Variants in LRMDA observed in about 807,000 individuals in gnomAD.
The protein encoded by LRMDA is leucine rich melanocyte differentiation associated.
A neutral mutation model predicts 29.8 loss-of-function variants in LRMDA; 18 were observed. The observed-to-expected ratio is 0.60, with a 90% CI of 0.42 to 0.90. LRMDA has a LOEUF of 0.90. Among genes scored for constraint, LRMDA ranks in the 40% least tolerant of loss-of-function variants. The pLI is 0.00. For synonymous variants in LRMDA, 125 were observed against 109.4 expected (o/e 1.14, Z -0.89); for missense variants, 273 against 273.9 (o/e 1.00, Z 0.02).
At chr10:76,357,406 A>C (rs1388235227) in intron 6 of LRMDA, among the ~76,000 whole-genome samples, 1 of 152,182 alleles carries the variant, frequency 6.6e-6, no homozygotes, top group Non-Finnish European at 1.5e-5. Flanking sequence ...GTTTTTACTC[A>C]CCAAACTATG....
intron 2 of LRMDA, among the ~76,000 whole-genome samples, chr10:75,503,140 T>A (rs1845133581): frequency 6.6e-6 from 1 of 151,972 alleles, no homozygotes; most frequent in Admixed American, 6.6e-5. Flanking sequence ...CTCTAGGGAA[T>A]GTCCATTTTG....
At chr10:76,367,566 A>AGCATG (rs1340819289) in intron 6 of LRMDA, among the ~76,000 whole-genome samples, 1 of 151,998 alleles carries the variant, frequency 6.6e-6, no homozygotes, top group Non-Finnish European at 1.5e-5. Context: ...CTGGGATTAC[A>AGCATG]GGCATGTGCC....
rs397846101 is a variant in LRMDA, at chr10:76,076,345, CAAAAAAAAAAAA to C, written c.516+17574_516+17585del. On this transcript the variant is annotated intron_variant, in intron 5 of 6. Coordinates refer to ENST00000611255, the MANE Select transcript of LRMDA (RefSeq NM_001305581.2). ...TGGGCGACAGAGCGAGACTCCATCT[CAAAAAAAAAAAA>C]AAAAAAAAAAAGACTTAACAACTTT... 2.0e-4 allele frequency among the ~76,000 whole-genome samples: 10 copies of C among 50,032 alleles called. No individual in the cohort carries two copies. The South Asian group carries it at 0.01, about 50-fold the overall frequency. 32.8% of individuals were successfully genotyped at this position (50,032 alleles called of 152,430 possible).
chr10:76,058,660 T>G lies in LRMDA; in HGVS notation c.399-6T>G. The G allele has an allele frequency of 6.2e-7, 1 of 1,609,912 alleles. No homozygotes were observed. Among genetic ancestry groups the G allele is most frequent in the Non-Finnish European group, 8.5e-7 (1 of 1,176,146 alleles). On this transcript the variant is annotated splice_region_variant and splice_polypyrimidine_tract_variant and intron_variant, in intron 4 of 6. Coordinates refer to ENST00000611255, the MANE Select transcript of LRMDA (RefSeq NM_001305581.2). ...TCCTGAGTTGTCTCTGACTCTTATC[T>G]TCCAGATGCTTTGTTCTGTACAAGC...
chr10:76,017,586 C>A (rs1847899072), intron 2 of LRMDA, among the ~76,000 whole-genome samples: 2 of 152,218 alleles, frequency 1.3e-5, no homozygotes, highest in African/African-American at 4.8e-5. Flanking sequence ...CGAGGTCTCC[C>A]ATTACCTTCA....
intron 6 of LRMDA, among the ~76,000 whole-genome samples, chr10:76,385,115 G>A (rs1042295713): frequency 5.3e-5 from 8 of 152,100 alleles, no homozygotes; most frequent in Non-Finnish European, 1.0e-4. Flanking sequence ...AGATTGGACC[G>A]GAAATCCTGG....
In LRMDA at chr10:75,659,780, T is replaced by C. The variant is rs537448115; in HGVS notation, c.131+221286T>C. ...ACTTGAGATTTGCTAAGAGAGTAGA[T>C]CTTAAGTGTCTCCCCCTCCTTCTCT... On this transcript the variant is annotated intron_variant, in intron 2 of 6. Transcript: ENST00000611255. Among the ~76,000 whole-genome samples the C allele has an allele frequency of 1.4e-4, 21 of 152,292 alleles. No individual in the cohort carries two copies. In the South Asian group the frequency reaches 4.4e-3, roughly 32 times the overall value.
At chr10:75,640,296 T>A (rs750684207) in intron 2 of LRMDA, among the ~76,000 whole-genome samples, 1 of 152,160 alleles carries the variant, frequency 6.6e-6, no homozygotes, top group Non-Finnish European at 1.5e-5. Flanking sequence ...ATTAGGCAGG[T>A]AGATGTTTTT....
intron 5 of LRMDA, among the ~76,000 whole-genome samples, chr10:76,285,689 G>A (rs1840263101): frequency 6.6e-6 from 1 of 152,074 alleles, no homozygotes; most frequent in Non-Finnish European, 1.5e-5. Context: ...TGCCAATGAA[G>A]CTCTTTATGA....
chr10:76,266,937 G>C (rs1393853825), intron 5 of LRMDA, among the ~76,000 whole-genome samples: 4 of 152,098 alleles, frequency 2.6e-5, no homozygotes, highest in Admixed American at 2.0e-4. Flanking sequence ...ATTAATATAG[G>C]CTAGAGTTTC....
At chr10:76,290,995 G>T (rs1043471875) in intron 5 of LRMDA, among the ~76,000 whole-genome samples, 2 of 152,178 alleles carry the variant, frequency 1.3e-5, no homozygotes, top group African/African-American at 2.4e-5. Context: ...AAAGAAGAGC[G>T]AGTACCATGA....
intron 5 of LRMDA, among the ~76,000 whole-genome samples, chr10:76,298,539 A>G (rs980771971): frequency 1.3e-5 from 2 of 152,214 alleles, no homozygotes; most frequent in African/African-American, 4.8e-5. Context: ...AGAGACTCTC[A>G]AAGTCTGTCA....
chr10:75,477,412 C>T lies in LRMDA; in HGVS notation c.131+38918C>T, dbSNP rs539352986. Among the ~76,000 whole-genome samples, 13 of 152,276 alleles carry T rather than the reference C, an allele frequency of 8.5e-5. No homozygotes were observed. In the East Asian group the frequency reaches 1.4e-3, roughly 16 times the overall value. ...TTTGGGGGATGGGTACAATTCAGCC[C>T]GTAATACCCTTGCCCTAGGAAAGCC... On this transcript the variant is annotated intron_variant, in intron 2 of 6. Transcript: ENST00000611255.
At chr10:75,561,379 T>G (rs940856922) in intron 2 of LRMDA, among the ~76,000 whole-genome samples, 1 of 149,884 alleles carries the variant, frequency 6.7e-6, no homozygotes, top group African/African-American at 2.4e-5. Flanking sequence ...TCAATGGTGA[T>G]ATCCCCTTTA....
At chr10:75,786,030 C>T (rs978772331) in intron 2 of LRMDA, among the ~76,000 whole-genome samples, 2 of 152,116 alleles carry the variant, frequency 1.3e-5, no homozygotes, top group East Asian at 1.9e-4. Flanking sequence ...TGTTCAAGGC[C>T]CACTAGACAT....
chr10:76,473,996 C>A (rs1842643222), intron 6 of LRMDA, among the ~76,000 whole-genome samples: 1 of 151,590 alleles, frequency 6.6e-6, no homozygotes, highest in Non-Finnish European at 1.5e-5. Context: ...CAGTGTGGTA[C>A]TGGCATTGGA....
At chr10:75,902,839 ACT>A (rs1491029684) in intron 2 of LRMDA, among the ~76,000 whole-genome samples, 18 of 151,970 alleles carry the variant, frequency 1.2e-4, no homozygotes, top group Admixed American at 3.9e-4. Flanking sequence ...GAGGGGACTG[ACT>A]CTGGTTCCCC....
chr10:75,591,114 T>C (rs2132084136), intron 2 of LRMDA, among the ~76,000 whole-genome samples: 1 of 152,304 alleles, frequency 6.6e-6, no homozygotes, highest in African/African-American at 2.4e-5. Flanking sequence ...TGGTGGCTCA[T>C]GCCTATAATC....
intron 2 of LRMDA, among the ~76,000 whole-genome samples, chr10:75,596,878 A>G (rs1156265675): frequency 6.6e-6 from 1 of 152,182 alleles, no homozygotes; most frequent in Non-Finnish European, 1.5e-5. Context: ...TTTAAGCTGC[A>G]CATTCCTCCA....
Sources: allele counts gnomAD v4.1 joint callset (sites outside exome capture counted in the v4.1 genomes callset), GRCh38; gene constraint gnomAD v4.1.1; transcripts MANE v1.5; gene names NCBI Gene and HGNC (gene_info 2026-07-23, HGNC 2026-07-21).